Variants in RAB33A observed in about 807,000 individuals in gnomAD.
RAB33A encodes the protein ras-related protein Rab-33A.
A neutral mutation model predicts 12.0 loss-of-function variants in RAB33A; 6 were observed. That is an observed-to-expected ratio of 0.50 (90% CI 0.27 to 0.99). RAB33A has a LOEUF of 0.99. Among genes scored for constraint, RAB33A ranks in the 50% least tolerant of loss-of-function variants. The pLI, the probability that RAB33A is intolerant of heterozygous loss-of-function variation, is 0.11. For synonymous variants in RAB33A, 70 were observed against 82.4 expected (o/e 0.85, Z 0.81); for missense variants, 109 against 192.0 (o/e 0.57, Z 2.55).
chrX:130,129,504 A>G, the RAB33A span: 7 of 1,078,925 alleles, frequency 6.5e-6, no homozygotes, highest in East Asian at 2.1e-4. Context: ...TCCTTTACCC[A>G]TTCGACCTCC....
the RAB33A span, chrX:130,129,508 G>A: frequency 1.8e-5 from 20 of 1,099,835 alleles, no homozygotes; most frequent in Non-Finnish European, 2.4e-5. Context: ...TTACCCATTC[G>A]ACCTCCTCTC....
At chrX:130,165,579 T>C in the RAB33A span, 1 of 1,199,907 alleles carries the variant, frequency 8.3e-7, no homozygotes, top group Non-Finnish European at 1.1e-6. Context: ...GCCTCGGGCT[T>C]CGGACGCACA....
chrX:130,137,598 G>A, the RAB33A span: 1 of 1,142,021 alleles, frequency 8.8e-7, no homozygotes, highest in Non-Finnish European at 1.2e-6. Flanking sequence ...CTCAAGCTGG[G>A]AACCATCATG....
the RAB33A span, among the ~76,000 whole-genome samples, chrX:130,132,923 T>A: frequency 2.1e-4 from 23 of 110,237 alleles, 1 homozygote; most frequent in Non-Finnish European, 2.7e-4. Context: ...ATTTTTGTAT[T>A]TTTAGTAGAG....
the RAB33A span, chrX:130,110,755 GGCGGGGTGGAGCGCGCGGGGA>G: frequency 1.1e-3 from 116 of 104,838 alleles, 1 homozygote; most frequent in African/African-American, 4.0e-3. Context: ...CGGGGCGGGG[GGCGGGGTGGAGCGCGCGGGGA>G]GCGGGGCGGA....
chrX:130,154,259 ACCAG>A, the RAB33A span, among the ~76,000 whole-genome samples: 3 of 112,118 alleles, frequency 2.7e-5, no homozygotes, highest in Non-Finnish European at 5.6e-5. Context: ...AGGAACAGTG[ACCAG>A]CCCTGTCTTG....
the RAB33A span, among the ~76,000 whole-genome samples, chrX:130,146,548 G>A: frequency 9.2e-6 from 1 of 109,110 alleles, no homozygotes; most frequent in East Asian, 2.9e-4. Context: ...TATACATCCT[G>A]TTTGAAAATG....
At chrX:130,136,245 G>A in the RAB33A span, 13 of 1,147,932 alleles carry the variant, frequency 1.1e-5, no homozygotes, top group South Asian at 3.6e-5. Context: ...GCCTACAGGC[G>A]TAACAATGGC....
At chrX:130,127,036 G>GGTGTGTGTGTGT in the RAB33A span, among the ~76,000 whole-genome samples, 2 of 105,994 alleles carry the variant, frequency 1.9e-5, no homozygotes, top group African/African-American at 6.9e-5. Context: ...CAATAAACCA[G>GGTGTGTGTGTGT]GTGTGTGTGT....
the RAB33A span, chrX:130,147,783 C>A: frequency 1.6e-6 from 2 of 1,212,226 alleles, no homozygotes; most frequent in Non-Finnish European, 1.1e-6. Context: ...CCGGATGGAT[C>A]TGGCTGCAGC....
the RAB33A span, among the ~76,000 whole-genome samples, chrX:130,127,714 G>T: frequency 2.9e-5 from 1 of 34,156 alleles, no homozygotes. Flanking sequence ...TTTTGAGATG[G>T]AATATTGCTG....
the RAB33A span, among the ~76,000 whole-genome samples, chrX:130,163,999 CAAA>C: frequency 9.4e-5 from 7 of 74,566 alleles, no homozygotes; most frequent in Non-Finnish European, 5.1e-5. Flanking sequence ...ACTAAAAATA[CAAA>C]AAAAAAAAAA....
the RAB33A span, among the ~76,000 whole-genome samples, chrX:130,144,655 G>C: frequency 1.8e-5 from 2 of 111,112 alleles, no homozygotes; most frequent in Non-Finnish European, 3.8e-5. Context: ...CACTCTACTG[G>C]GCACCCTTCC....
At chrX:130,143,051 G>A in the RAB33A span, among the ~76,000 whole-genome samples, 1 of 111,689 alleles carries the variant, frequency 9.0e-6, no homozygotes, top group South Asian at 3.7e-4. Context: ...TCCTCATACT[G>A]CTCTTTAAGT....
At chrX:130,121,389 T>G in the RAB33A span, among the ~76,000 whole-genome samples, 5 of 108,950 alleles carry the variant, frequency 4.6e-5, no homozygotes, top group African/African-American at 1.7e-4. Flanking sequence ...TAGCTCGAAT[T>G]ACAGGCGCCC....
the RAB33A span, among the ~76,000 whole-genome samples, chrX:130,114,878 T>C: frequency 1.8e-5 from 2 of 112,144 alleles, no homozygotes; most frequent in African/African-American, 6.5e-5. Context: ...CATAGCTTGC[T>C]GCAGCCTCCA....
chrX:130,125,701 A>G, the RAB33A span, among the ~76,000 whole-genome samples: 1 of 110,896 alleles, frequency 9.0e-6, no homozygotes, highest in Non-Finnish European at 1.9e-5. Context: ...GAAGCTGCTG[A>G]TTTTCCTTCA....
the RAB33A span, among the ~76,000 whole-genome samples, chrX:130,143,206 T>C: frequency 2.7e-5 from 3 of 112,023 alleles, no homozygotes; most frequent in Admixed American, 9.5e-5. Flanking sequence ...TTTCAACTTC[T>C]ACACATATGC....
the RAB33A span, among the ~76,000 whole-genome samples, chrX:130,166,902 A>C: frequency 8.9e-6 from 1 of 112,287 alleles, no homozygotes. Context: ...GTTTCGACTT[A>C]ACGATATTTT....
Sources: allele counts gnomAD v4.1 joint callset (sites outside exome capture counted in the v4.1 genomes callset), GRCh38; gene constraint gnomAD v4.1.1; transcripts MANE v1.5; gene names NCBI Gene and HGNC (gene_info 2026-07-23, HGNC 2026-07-21).